Variants in RORB observed in about 807,000 individuals in gnomAD.
The protein encoded by RORB is nuclear receptor ROR-beta.
Under a neutral mutation model 59.1 loss-of-function variants are expected in RORB, and 6 were observed. That is an observed-to-expected ratio of 0.10 (90% CI 0.06 to 0.20). RORB has a LOEUF of 0.20. RORB is among the 10% of genes least tolerant of loss of function. The pLI is 1.00. For synonymous variants in RORB, 215 were observed against 204.5 expected, an observed-to-expected ratio of 1.05 and a Z score of -0.44; for missense variants, 320 against 560.5, an observed-to-expected ratio of 0.57 and a Z score of 4.33.
chr9:74,679,062 AAAAAAAAC>A (rs1824496266), intron 9 of RORB, among the ~76,000 whole-genome samples: 1 of 150,916 alleles, frequency 6.6e-6, no homozygotes. Flanking sequence ...AACAAACAAA[AAAAAAAAC>A]AAAAAAACCA....
intron 1 of RORB, among the ~76,000 whole-genome samples, chr9:74,513,420 C>T (rs1825967305): frequency 6.6e-6 from 1 of 151,856 alleles, no homozygotes; most frequent in African/African-American, 2.4e-5. Context: ...TCAGCAAAAA[C>T]CGCAATAACT....
At chr9:74,606,562 C>CT (rs1381001709) in intron 1 of RORB, among the ~76,000 whole-genome samples, 1 of 152,202 alleles carries the variant, frequency 6.6e-6, no homozygotes, top group African/African-American at 2.4e-5. Context: ...CAAACACAAA[C>CT]TTGGGCTGCA....
chr9:74,660,486 G>A, intron 4 of RORB, 131 bp from the exon 5 acceptor site: 1 of 671,896 alleles, frequency 1.5e-6, no homozygotes. Context: ...TTTTAAGATA[G>A]ATAGCAATGT....
chr9:74,608,563 CAAA>C (rs34028088), intron 1 of RORB, among the ~76,000 whole-genome samples: 1 of 127,288 alleles, frequency 7.9e-6, no homozygotes. Flanking sequence ...GACTCCGTCT[CAAA>C]AAAAAAAAAA....
intron 4 of RORB, among the ~76,000 whole-genome samples, chr9:74,647,550 A>G (rs955895783): frequency 4.2e-4 from 64 of 152,238 alleles, no homozygotes; most frequent in African/African-American, 1.5e-3. Context: ...AGACAATGAA[A>G]TGTGAATTAA....
chr9:74,657,669 T>C (rs973214567), intron 4 of RORB, among the ~76,000 whole-genome samples: 1 of 152,164 alleles, frequency 6.6e-6, no homozygotes, highest in East Asian at 1.9e-4. Flanking sequence ...TGGGCATTTA[T>C]TGCATCATGA....
chr9:74,671,766 T>C (rs1449479709), intron 8 of RORB, 23 bp from the exon 9 acceptor site: 8 of 1,485,680 alleles, frequency 5.4e-6, no homozygotes, highest in East Asian at 2.3e-5. Context: ...TTCCCTCCAC[T>C]TACCCACTCT....
intron 1 of RORB, among the ~76,000 whole-genome samples, chr9:74,500,007 G>A (rs1825784988): frequency 6.6e-6 from 1 of 152,182 alleles, no homozygotes; most frequent in Non-Finnish European, 1.5e-5. Context: ...GACTGTCCTG[G>A]TTCGCCACGG....
intron 1 of RORB, among the ~76,000 whole-genome samples, chr9:74,586,600 C>CGTGT (rs1313500289): frequency 0.14 from 19,614 of 141,008 alleles, 1,437 homozygotes; most frequent in Admixed American, 0.2. Flanking sequence ...ATGTAATGTC[C>CGTGT]GTGTGTGTGT....
intron 4 of RORB, among the ~76,000 whole-genome samples, chr9:74,656,092 C>A (rs1824074511): frequency 6.6e-6 from 1 of 152,198 alleles, no homozygotes; most frequent in Non-Finnish European, 1.5e-5. Flanking sequence ...GCTTTAAGAT[C>A]ATCAAACAAA....
chr9:74,652,969 C>T (rs1008057889), intron 4 of RORB, among the ~76,000 whole-genome samples: 2 of 152,118 alleles, frequency 1.3e-5, no homozygotes, highest in Non-Finnish European at 2.9e-5. Context: ...CAGCAGAATT[C>T]TATTTATGCT....
chr9:74,601,229 C>T (rs1823049617), intron 1 of RORB, among the ~76,000 whole-genome samples: 3 of 151,952 alleles, frequency 2.0e-5, no homozygotes, highest in Middle Eastern at 3.4e-3. Flanking sequence ...ACAACTTAAA[C>T]ATTCACTTAT....
At chr9:74,601,235 C>T (rs1156615581) in intron 1 of RORB, among the ~76,000 whole-genome samples, 15 of 151,754 alleles carry the variant, frequency 9.9e-5, no homozygotes, top group Non-Finnish European at 1.6e-4. Context: ...TAAACATTCA[C>T]TTATGAAAAA....
At chr9:74,619,456 T>C (rs1422033427) in intron 1 of RORB, among the ~76,000 whole-genome samples, 3 of 151,978 alleles carry the variant, frequency 2.0e-5, no homozygotes, top group Non-Finnish European at 4.4e-5. Flanking sequence ...GCTGAGTTGT[T>C]TTTCTTATTT....
At chr9:74,606,524 A>G (rs142609900) in intron 1 of RORB, among the ~76,000 whole-genome samples, 1 of 152,346 alleles carries the variant, frequency 6.6e-6, no homozygotes, top group African/African-American at 2.4e-5. Flanking sequence ...CTACCTTGTA[A>G]GATACTTCAG....
Position 74,630,282 on chromosome 9 carries a change from C to A in RORB, c.8C>A (p.Ala3Glu). 6.2e-7 allele frequency: 1 copy of A among 1,612,036 alleles called. No individual in the cohort carries two copies. Among genetic ancestry groups the A allele is most frequent in the Non-Finnish European group, 8.5e-7 (1 of 1,178,382 alleles). ...CAAAATGTCTGTTTTCTCCTTTCAG[C>A]ACAAATTGAAGTGATACCATGCAAA... MR[A>E]QIEVIPCKIC... Residue 3 changes from alanine (A) to glutamate (E), a missense_variant and splice_region_variant, in exon 2 of 10, where the codon GCA (alanine) becomes GAA (glutamate). This residue lies in a region of RORB where 37 missense variants were observed against 116.4 expected (regional missense o/e 0.32). Coordinates refer to ENST00000376896, the MANE Select transcript of RORB (RefSeq NM_006914.4).
In RORB at chr9:74,693,072, G is replaced by A. The variant is rs1413481494; in HGVS notation, c.*7454G>A. ...TTAGTTCAATACTGTTAGCATTCCC[G>A]GATAATGCACACATGATTTCTGAAT... On this transcript the variant is annotated 3_prime_UTR_variant, in exon 10 of 10. Transcript: ENST00000376896. The A allele has an allele frequency of 1.3e-5, 2 of 151,908 alleles. No individual in the cohort carries two copies. Among genetic ancestry groups the A allele is most frequent in the Admixed American group, 6.6e-5 (1 of 15,230 alleles). 9.4% of individuals were successfully genotyped at this position (151,908 alleles called of 1,614,324 possible).
At chr9:74,673,684 A>G (rs756476066) in intron 9 of RORB, among the ~76,000 whole-genome samples, 10 of 152,210 alleles carry the variant, frequency 6.6e-5, no homozygotes, top group Non-Finnish European at 1.2e-4. Flanking sequence ...TCAACTGTAG[A>G]TCAGATTAAC....
At chr9:74,540,895 T>A (rs1826395763) in intron 1 of RORB, among the ~76,000 whole-genome samples, 1 of 152,156 alleles carries the variant, frequency 6.6e-6, no homozygotes, top group Admixed American at 6.5e-5. Flanking sequence ...TCCAAACTGC[T>A]CTCTGTAGTT....
Sources: allele counts gnomAD v4.1 joint callset (sites outside exome capture counted in the v4.1 genomes callset), GRCh38; gene constraint gnomAD v4.1.1; regional missense constraint gnomAD v4.1.1; transcripts MANE v1.5; gene names NCBI Gene and HGNC (gene_info 2026-07-23, HGNC 2026-07-21).